FGGY: variants seen among roughly 807,000 people sequenced by gnomAD.
FGGY encodes FGGY carbohydrate kinase domain-containing protein.
FGGY carries 72 observed loss-of-function variants against 71.3 expected under a neutral mutation model. The observed-to-expected ratio is 1.01, with a 90% CI of 0.84 to 1.23. The LOEUF (loss-of-function observed/expected upper bound fraction) is 1.23. FGGY is among the 50% of genes most tolerant of loss of function. The pLI is 0.00. For missense variants in FGGY, 668 were observed against 682.3 expected, an observed-to-expected ratio of 0.98 and a Z score of 0.23; for synonymous variants, 251 against 250.3, an observed-to-expected ratio of 1.00 and a Z score of -0.02.
chr1:59,449,354 G>GC (rs2072090135), intron 5 of FGGY, among the ~76,000 whole-genome samples: 1 of 152,132 alleles, frequency 6.6e-6, no homozygotes, highest in African/African-American at 2.4e-5. Context: ...CACAATCTCG[G>GC]CTCACTGCAA....
At chr1:59,468,638 C>G (rs889613294) in intron 6 of FGGY, among the ~76,000 whole-genome samples, 1 of 151,924 alleles carries the variant, frequency 6.6e-6, no homozygotes, top group Non-Finnish European at 1.5e-5. Flanking sequence ...TTTGGGAGGC[C>G]GAGGCAGGTG....
At chr1:59,436,976 C>T (rs1298059459) in intron 5 of FGGY, among the ~76,000 whole-genome samples, 1 of 152,276 alleles carries the variant, frequency 6.6e-6, no homozygotes, top group East Asian at 1.9e-4. Flanking sequence ...CCCTCATTTC[C>T]CTGACCCATT....
At chr1:59,336,213 T>C (rs1206807725) in intron 2 of FGGY, among the ~76,000 whole-genome samples, 1 of 152,164 alleles carries the variant, frequency 6.6e-6, no homozygotes, top group Non-Finnish European at 1.5e-5. Context: ...CATATAGTTC[T>C]AGCATCACTG....
intron 5 of FGGY, among the ~76,000 whole-genome samples, chr1:59,445,360 T>C: frequency 6.6e-6 from 1 of 152,228 alleles, no homozygotes; most frequent in East Asian, 1.9e-4. Context: ...CTTCTGCTGC[T>C]GCTTCTTTTT....
At chr1:59,308,387 C>T (rs1215775218) in intron 1 of FGGY, among the ~76,000 whole-genome samples, 1 of 152,168 alleles carries the variant, frequency 6.6e-6, no homozygotes, top group Admixed American at 6.5e-5. Context: ...GTCTTCCTTC[C>T]TATTACTGTA....
chr1:59,411,883 C>T (rs1473906939), intron 5 of FGGY, among the ~76,000 whole-genome samples: 1 of 152,176 alleles, frequency 6.6e-6, no homozygotes, highest in Non-Finnish European at 1.5e-5. Context: ...GCTTTACTTG[C>T]TCCAACCCTG....
At chr1:59,452,625 A>G (rs1241771132) in intron 5 of FGGY, among the ~76,000 whole-genome samples, 1 of 152,180 alleles carries the variant, frequency 6.6e-6, no homozygotes, top group Non-Finnish European at 1.5e-5. Flanking sequence ...GATAAATGCT[A>G]TTTTGACTTT....
intron 3 of FGGY, among the ~76,000 whole-genome samples, chr1:59,344,650 T>C (rs557820675): frequency 6.6e-6 from 1 of 152,264 alleles, no homozygotes; most frequent in South Asian, 2.1e-4. Context: ...AAGTCCCTGA[T>C]GTAAAATGGC....
chr1:59,705,346 C>G (rs1009121324), intron 14 of FGGY, among the ~76,000 whole-genome samples: 1 of 152,080 alleles, frequency 6.6e-6, no homozygotes, highest in Non-Finnish European at 1.5e-5. Flanking sequence ...CTGTGTTTTT[C>G]AGACTGATAA....
At chr1:59,581,317 AT>A (rs917895801) in intron 8 of FGGY, among the ~76,000 whole-genome samples, 3 of 150,112 alleles carry the variant, frequency 2.0e-5, no homozygotes, top group Non-Finnish European at 4.4e-5. Context: ...AGTTGAGAAC[AT>A]TTCTATTGGA....
chr1:59,604,635 T>C (rs1170179104), intron 8 of FGGY, among the ~76,000 whole-genome samples: 3 of 152,230 alleles, frequency 2.0e-5, no homozygotes, highest in African/African-American at 7.2e-5. Flanking sequence ...GTATCCTTCC[T>C]AAGCAATTTA....
At chr1:59,515,116 CCA>C (rs1333105232) in intron 7 of FGGY, among the ~76,000 whole-genome samples, 1 of 152,002 alleles carries the variant, frequency 6.6e-6, no homozygotes, top group Non-Finnish European at 1.5e-5. Flanking sequence ...CCCTGCAAAG[CCA>C]CAGAGGCAGC....
At chr1:59,401,948 A>C (rs78003437) in intron 5 of FGGY, among the ~76,000 whole-genome samples, 12,122 of 152,202 alleles carry the variant, frequency 0.08, 574 homozygotes, top group African/African-American at 0.12. Flanking sequence ...CCTTGCTTCC[A>C]AGGTACCATG....
chr1:59,738,068 T>C (rs1468321234), intron 14 of FGGY, among the ~76,000 whole-genome samples: 1 of 152,108 alleles, frequency 6.6e-6, no homozygotes, highest in African/African-American at 2.4e-5. Flanking sequence ...ATCAACCAAG[T>C]CAAATAAGCT....
chr1:59,720,338 A>G (rs1006367907), intron 14 of FGGY, among the ~76,000 whole-genome samples: 1 of 152,236 alleles, frequency 6.6e-6, no homozygotes, highest in Non-Finnish European at 1.5e-5. Flanking sequence ...GGGGAAAAAA[A>G]GGTCCTTCAG....
intron 9 of FGGY, among the ~76,000 whole-genome samples, chr1:59,617,411 T>A (rs1018086555): frequency 1.3e-5 from 2 of 152,178 alleles, no homozygotes; most frequent in Non-Finnish European, 2.9e-5. Context: ...TTTGTATTTT[T>A]AAAAAAAATC....
At chr1:59,564,150 AC>A (rs2095839226) in intron 8 of FGGY, among the ~76,000 whole-genome samples, 3 of 152,230 alleles carry the variant, frequency 2.0e-5, no homozygotes, top group Admixed American at 2.0e-4. Flanking sequence ...CATGACTAAA[AC>A]ACCAAAAGCA....
chr1:59,655,419 C>T (rs561633715), intron 11 of FGGY, among the ~76,000 whole-genome samples: 1 of 151,964 alleles, frequency 6.6e-6, no homozygotes, highest in East Asian at 1.9e-4. Flanking sequence ...CTAATGCTCT[C>T]CCTCCCCTCC....
chr1:59,324,091 T>A (rs549352133), intron 2 of FGGY, among the ~76,000 whole-genome samples: 7 of 152,188 alleles, frequency 4.6e-5, no homozygotes, highest in African/African-American at 1.7e-4. Flanking sequence ...CTAATTCCTT[T>A]TCCCTAAGTC....
Sources: allele counts gnomAD v4.1 joint callset (sites outside exome capture counted in the v4.1 genomes callset), GRCh38; gene constraint gnomAD v4.1.1; transcripts MANE v1.5; gene names NCBI Gene and HGNC (gene_info 2026-07-23, HGNC 2026-07-21).